FAM193A: variants seen among roughly 807,000 people sequenced by gnomAD.
FAM193A encodes the protein protein FAM193A.
Under a neutral mutation model 126.5 loss-of-function variants are expected in FAM193A, and 22 were observed. The observed-to-expected ratio is 0.17, with a 90% CI of 0.12 to 0.25. The LOEUF is 0.25. Among genes scored for constraint, FAM193A ranks in the 10% least tolerant of loss-of-function variants. The probability of loss-of-function intolerance (pLI) is 1.00; values close to 1 mark genes in which losing one functional copy is unlikely to be tolerated. For missense variants in FAM193A, 1,675 were observed against 1,672.8 expected, an observed-to-expected ratio of 1.00 and a Z score of -0.02; for synonymous variants, 761 against 646.8, an observed-to-expected ratio of 1.18 and a Z score of -2.68.
At chr4:2,711,603 G>A (rs1239600703) in intron 19 of FAM193A, among the ~76,000 whole-genome samples, 1 of 151,580 alleles carries the variant, frequency 6.6e-6, no homozygotes, top group Non-Finnish European at 1.5e-5. Flanking sequence ...GCCTCCCAAA[G>A]TGCTGGGATT....
At chr4:2,693,138 C>T (rs1210380530) in intron 15 of FAM193A, among the ~76,000 whole-genome samples, 1 of 152,084 alleles carries the variant, frequency 6.6e-6, no homozygotes, top group Non-Finnish European at 1.5e-5. Context: ...CCTGCATCAG[C>T]CTCCCGCGTA....
chr4:2,548,071 A>ATTTTT (rs35770924), intron 1 of FAM193A, among the ~76,000 whole-genome samples: 23 of 127,790 alleles, frequency 1.8e-4, no homozygotes, highest in Non-Finnish European at 3.4e-4. Flanking sequence ...GACTTTGCCT[A>ATTTTT]TTTTTTTTTT....
Position 2,703,736 on chromosome 4 carries a change from G to A in FAM193A, c.4372+3192G>A, listed in dbSNP as rs1157659599. ...CCCAACACTTTGGGAAGCTGAGGCA[G>A]GAGGATTACCTGAGGCCGGGAATTT... On this transcript the variant is annotated intron_variant, in intron 19 of 20. Coordinates refer to ENST00000637812, the MANE Select transcript of FAM193A (RefSeq NM_001366318.2). Among the ~76,000 whole-genome samples, 3 of 151,192 alleles carry A rather than the reference G, an allele frequency of 2.0e-5. No homozygotes were observed. In the East Asian group the frequency reaches 5.8e-4, roughly 29 times the overall value.
intron 1 of FAM193A, among the ~76,000 whole-genome samples, chr4:2,542,514 A>T (rs1272871702): frequency 6.6e-6 from 1 of 152,210 alleles, no homozygotes; most frequent in Non-Finnish European, 1.5e-5. Context: ...ATTGTTCATT[A>T]AAGAAACTCT....
chr4:2,664,823 A>T (rs1326188454), intron 12 of FAM193A, among the ~76,000 whole-genome samples: 2 of 152,052 alleles, frequency 1.3e-5, no homozygotes, highest in African/African-American at 4.8e-5. Flanking sequence ...TTGGCCTCCC[A>T]AAGTCCTGGG....
At chr4:2,696,180 G>A in intron 17 of FAM193A, 183 bp from the exon 18 acceptor site, 1 of 541,984 alleles carries the variant, frequency 1.8e-6, no homozygotes, top group Non-Finnish European at 3.2e-6. Context: ...GTATCAAAAT[G>A]CCACTTTTGG....
intron 15 of FAM193A, among the ~76,000 whole-genome samples, chr4:2,693,314 G>A (rs1006180286): frequency 3.3e-5 from 5 of 151,256 alleles, no homozygotes; most frequent in Non-Finnish European, 7.4e-5. Flanking sequence ...CACCACGCCC[G>A]GCCAAGAAAT....
At chr4:2,697,547 G>C (rs1717178150) in intron 18 of FAM193A, among the ~76,000 whole-genome samples, 1 of 152,202 alleles carries the variant, frequency 6.6e-6, no homozygotes, top group African/African-American at 2.4e-5. Context: ...CAGTGGTCTT[G>C]GGAAGAGGCC....
At chr4:2,684,421 C>T (rs1715493958) in intron 13 of FAM193A, among the ~76,000 whole-genome samples, 1 of 150,688 alleles carries the variant, frequency 6.6e-6, no homozygotes, top group Admixed American at 6.6e-5. Context: ...TTCTCTTGTT[C>T]CTTGTTTTTT....
At chr4:2,586,878 C>T (rs1024397726) in intron 1 of FAM193A, among the ~76,000 whole-genome samples, 3 of 152,122 alleles carry the variant, frequency 2.0e-5, no homozygotes, top group Non-Finnish European at 4.4e-5. Context: ...GTCTTGAACT[C>T]CTGGGCTCAA....
chr4:2,594,354 G>A (rs1301505516), intron 1 of FAM193A, among the ~76,000 whole-genome samples: 1 of 152,174 alleles, frequency 6.6e-6, no homozygotes, highest in East Asian at 1.9e-4. Context: ...GTGGGATGGG[G>A]AGACAGCTCG....
intron 19 of FAM193A, among the ~76,000 whole-genome samples, chr4:2,701,023 C>A (rs530081421): frequency 4.6e-5 from 7 of 151,640 alleles, no homozygotes; most frequent in Non-Finnish European, 1.0e-4. Flanking sequence ...ACTTTAGTTC[C>A]CCAACATCAG....
chr4:2,588,787 A>AT (rs1417206071), intron 1 of FAM193A, among the ~76,000 whole-genome samples: 4 of 152,050 alleles, frequency 2.6e-5, no homozygotes, highest in African/African-American at 4.8e-5. Flanking sequence ...GGTTACTGTG[A>AT]TTTTTCAGGA....
chr4:2,595,071 C>G (rs779718294), intron 1 of FAM193A, among the ~76,000 whole-genome samples: 1 of 150,394 alleles, frequency 6.6e-6, no homozygotes, highest in Non-Finnish European at 1.5e-5. Flanking sequence ...TTTTTTGACA[C>G]GGGGTCTTGC....
In FAM193A at chr4:2,611,333, A is replaced by G. The variant is rs1031467062; in HGVS notation, c.502-13929A>G. ...ACCCAGGCTGGAGTGCAGTGGCTCA[A>G]TCTCGGCTCACTGCAGCCTCCACCT... is the stretch of plus-strand genomic sequence containing the variant. On this transcript the variant is annotated intron_variant, in intron 2 of 20. Transcript: ENST00000637812. Among the ~76,000 whole-genome samples, 9 of 152,144 alleles carry G rather than the reference A, an allele frequency of 5.9e-5. No individual in the cohort carries two copies. In the East Asian group the frequency reaches 1.2e-3, roughly 20 times the overall value.
At chr4:2,581,868 T>C (rs1290090950) in intron 1 of FAM193A, among the ~76,000 whole-genome samples, 1 of 151,022 alleles carries the variant, frequency 6.6e-6, no homozygotes, top group Non-Finnish European at 1.5e-5. Context: ...TTAGCCAGGA[T>C]GGTCTCAGTC....
intron 19 of FAM193A, 139 bp from the exon 20 acceptor site, chr4:2,715,884 T>G: frequency 1.5e-6 from 1 of 667,814 alleles, no homozygotes; most frequent in Non-Finnish European, 2.7e-6. Flanking sequence ...AAGAGATCTG[T>G]CCTCTAAAAT....
At chr4:2,581,255 C>CTTTTT (rs34915273) in intron 1 of FAM193A, among the ~76,000 whole-genome samples, 2 of 135,912 alleles carry the variant, frequency 1.5e-5, no homozygotes, top group Non-Finnish European at 3.1e-5. Context: ...TTCTTTCTTT[C>CTTTTT]TTTTTTTTTT....
chr4:2,645,011 T>C (rs1440286135), intron 6 of FAM193A, among the ~76,000 whole-genome samples: 1 of 141,036 alleles, frequency 7.1e-6, no homozygotes, highest in Non-Finnish European at 1.5e-5. Context: ...CATTTCAAAA[T>C]ATATATGTGT....
Sources: allele counts gnomAD v4.1 joint callset (sites outside exome capture counted in the v4.1 genomes callset), GRCh38; gene constraint gnomAD v4.1.1; transcripts MANE v1.5; gene names NCBI Gene and HGNC (gene_info 2026-07-23, HGNC 2026-07-21).